Variants in ETV6 observed in about 807,000 individuals in gnomAD.
The protein encoded by ETV6 is transcription factor ETV6.
In ETV6, 16 loss-of-function variants were observed where a neutral mutation model predicts 51.1. The ratio of observed to expected loss-of-function variants is 0.31; its 90% CI spans 0.21 to 0.48. The LOEUF (loss-of-function observed/expected upper bound fraction) is 0.48, where lower values mean the gene tolerates loss of function less well. ETV6 is among the 20% of genes least tolerant of loss of function. The pLI is 0.99. For missense variants in ETV6, 458 were observed against 594.8 expected, an observed-to-expected ratio of 0.77 and a Z score of 2.39; for synonymous variants, 240 against 224.1, an observed-to-expected ratio of 1.07 and a Z score of -0.64.
intron 2 of ETV6, among the ~76,000 whole-genome samples, chr12:11,759,299 G>A (rs970429586): frequency 3.9e-5 from 6 of 152,062 alleles, no homozygotes; most frequent in African/African-American, 9.7e-5. Flanking sequence ...CCCTGGTTTC[G>A]CTGTGGGGGA....
At chr12:11,875,663 A>G (rs530884364) in intron 5 of ETV6, among the ~76,000 whole-genome samples, 2 of 152,294 alleles carry the variant, frequency 1.3e-5, no homozygotes, top group African/African-American at 4.8e-5. Context: ...AGGAACTGAG[A>G]TTGAGACACA....
Position 11,705,012 on chromosome 12 carries a change from A to G in ETV6, c.34-47438A>G, listed in dbSNP as rs190695600. Among the ~76,000 whole-genome samples the G allele has an allele frequency of 3.3e-5, 5 of 152,314 alleles. No homozygotes were observed. In the East Asian group the frequency reaches 9.6e-4, roughly 29 times the overall value. On this transcript the variant is annotated intron_variant, in intron 1 of 7. Transcript: ENST00000396373. Reference sequence around the variant, plus strand: ...ATTTTAAAAGCTCAAATACAGAGACAGAGAATGAAACAGTGGTTAATGCCG... The same window carrying G: ...ATTTTAAAAGCTCAAATACAGAGACGGAGAATGAAACAGTGGTTAATGCCG...
intron 7 of ETV6, 114 bp from the exon 8 acceptor site, chr12:11,890,827 G>A (rs1330637121): frequency 1.2e-6 from 1 of 806,314 alleles, no homozygotes; most frequent in African/African-American, 1.7e-5. Context: ...GGGTTCAGTA[G>A]CTCTCCAGCT....
intron 2 of ETV6, among the ~76,000 whole-genome samples, chr12:11,774,232 G>T (rs1467373881): frequency 2.0e-5 from 3 of 152,248 alleles, no homozygotes; most frequent in Non-Finnish European, 4.4e-5. Flanking sequence ...GTTCTGAGCA[G>T]TTTCAGGTCC....
Position 11,752,496 on chromosome 12 carries a change from A to T in ETV6, c.80A>T (p.Tyr27Phe). Reference protein sequence around the residue: ...YTPPESPVPSYASSTPLHVPV... With the variant: ...YTPPESPVPSFASSTPLHVPV... ...CCTCCAGAGAGCCCAGTGCCGAGTT[A>T]CGCTTCCTCGACGCCACTTCATGTT... is the stretch of plus-strand genomic sequence containing the variant. The change falls in exon 2 of 8, where the codon TAC becomes TTC. Residue 27 changes from tyrosine (Y) to phenylalanine (F), a missense_variant. Coordinates refer to ENST00000396373, the MANE Select transcript of ETV6 (RefSeq NM_001987.5). 6.2e-7 allele frequency: 1 copy of T among 1,614,012 alleles called. No homozygotes were observed.
chr12:11,735,038 T>C (rs978527803), intron 1 of ETV6, among the ~76,000 whole-genome samples: 1 of 151,572 alleles, frequency 6.6e-6, no homozygotes, highest in African/African-American at 2.4e-5. Flanking sequence ...CAAAATGTCT[T>C]CGTAATTTAT....
At chr12:11,724,779 G>A (rs1278714356) in intron 1 of ETV6, among the ~76,000 whole-genome samples, 1 of 152,218 alleles carries the variant, frequency 6.6e-6, no homozygotes, top group Admixed American at 6.5e-5. Flanking sequence ...CTAGATAAGA[G>A]GCTTGTCTGG....
intron 1 of ETV6, among the ~76,000 whole-genome samples, chr12:11,678,890 T>C (rs570456723): frequency 6.9e-4 from 105 of 152,260 alleles, no homozygotes; most frequent in African/African-American, 2.3e-3. Context: ...GAATTCTTCC[T>C]TCCTCTGCGT....
intron 1 of ETV6, among the ~76,000 whole-genome samples, chr12:11,695,381 C>T (rs1864857629): frequency 6.6e-6 from 1 of 152,188 alleles, no homozygotes; most frequent in Non-Finnish European, 1.5e-5. Context: ...GGAATTCTTT[C>T]ATCAGACACT....
At chr12:11,686,806 C>T (rs897818060) in intron 1 of ETV6, among the ~76,000 whole-genome samples, 8 of 152,220 alleles carry the variant, frequency 5.3e-5, no homozygotes, top group Non-Finnish European at 1.2e-4. Flanking sequence ...GCGTGAGCCA[C>T]CGCACCTGGC....
At position 11,839,193 on chromosome 12, in the gene ETV6, G is replaced by T. The variant is rs1172244238; in HGVS notation, c.217G>T (p.Ala73Ser). 2.5e-6 allele frequency: 4 copies of T among 1,614,236 alleles called. No homozygotes were observed. The highest frequency in any genetic ancestry group is 3.4e-6 in the Non-Finnish European group (4 of 1,180,038). ...RDDVAQWLKW[A>S]ENEFSLRPID... Reference sequence around the variant, plus strand: ...TGACGTAGCCCAGTGGCTCAAGTGGGCTGAAAATGAGTTTTCTTTAAGGCC... The same window carrying T: ...TGACGTAGCCCAGTGGCTCAAGTGGTCTGAAAATGAGTTTTCTTTAAGGCC... The change falls in exon 3 of 8, where the codon GCT (alanine) becomes TCT (serine). Residue 73 changes from alanine (A) to serine (S), a missense_variant. Coordinates refer to ENST00000396373, the MANE Select transcript of ETV6 (RefSeq NM_001987.5).
intron 2 of ETV6, among the ~76,000 whole-genome samples, chr12:11,768,686 A>G (rs1406818853): frequency 6.6e-6 from 1 of 152,232 alleles, no homozygotes; most frequent in African/African-American, 2.4e-5. Context: ...CGTTGTGGAA[A>G]ATAATATACC....
At chr12:11,744,577 G>T (rs1865872864) in intron 1 of ETV6, among the ~76,000 whole-genome samples, 1 of 152,224 alleles carries the variant, frequency 6.6e-6, no homozygotes, top group African/African-American at 2.4e-5. Flanking sequence ...CTGCTGACCT[G>T]CTGTTAGTAG....
chr12:11,678,319 C>G (rs1237424067), intron 1 of ETV6, among the ~76,000 whole-genome samples: 1 of 152,146 alleles, frequency 6.6e-6, no homozygotes, highest in Non-Finnish European at 1.5e-5. Flanking sequence ...AAAGGAACCT[C>G]TTGAGGTCAG....
intron 1 of ETV6, among the ~76,000 whole-genome samples, chr12:11,680,630 G>A (rs141492810): frequency 7.1e-4 from 108 of 152,322 alleles, no homozygotes; most frequent in African/African-American, 2.4e-3. Flanking sequence ...TTGCTAAAAT[G>A]ATGAACTGTC....
At chr12:11,660,186 T>C (rs1029931140) in intron 1 of ETV6, among the ~76,000 whole-genome samples, 3 of 152,202 alleles carry the variant, frequency 2.0e-5, no homozygotes, top group African/African-American at 7.2e-5. Context: ...ACAACTATTA[T>C]ATATCAACAA....
intron 1 of ETV6, among the ~76,000 whole-genome samples, chr12:11,703,656 G>A (rs933155126): frequency 6.6e-6 from 1 of 152,270 alleles, no homozygotes; most frequent in African/African-American, 2.4e-5. Flanking sequence ...ATGTTAAGTC[G>A]TGGGGGCTAT....
chr12:11,832,196 G>A (rs545280682), intron 2 of ETV6, among the ~76,000 whole-genome samples: 5 of 152,228 alleles, frequency 3.3e-5, no homozygotes, highest in Non-Finnish European at 7.3e-5. Context: ...TGCTGATGGG[G>A]TTGGATGGGG....
At chr12:11,803,039 A>G (rs1945774215) in intron 2 of ETV6, among the ~76,000 whole-genome samples, 1 of 152,180 alleles carries the variant, frequency 6.6e-6, no homozygotes, top group Non-Finnish European at 1.5e-5. Flanking sequence ...TTTCTCCACA[A>G]GTTTCTTCAT....
Sources: allele counts gnomAD v4.1 joint callset (sites outside exome capture counted in the v4.1 genomes callset), GRCh38; gene constraint gnomAD v4.1.1; transcripts MANE v1.5; gene names NCBI Gene and HGNC (gene_info 2026-07-23, HGNC 2026-07-21).